Variants in MEF2C observed in about 807,000 individuals in gnomAD.
MEF2C encodes myocyte-specific enhancer factor 2C.
MEF2C carries 6 observed loss-of-function variants against 50.5 expected under a neutral mutation model. That is an observed-to-expected ratio of 0.12 (90% CI 0.07 to 0.23). MEF2C has a LOEUF of 0.23. MEF2C is among the 10% of genes least tolerant of loss of function. The pLI is 1.00. For synonymous variants in MEF2C, 183 were observed against 228.0 expected (o/e 0.80, Z 1.78); for missense variants, 276 against 605.0 (o/e 0.46, Z 5.70).
rs544789744 is a variant in MEF2C, at chr5:88,835,171, G to A, written c.-142-11241C>T. ...CCATGAAGAATCTGATAAATACAAT[G>A]CAAAATTTCTGCAAGTGTAAAATAT... On this transcript the variant is annotated intron_variant, in intron 1 of 10. Transcript: ENST00000504921. Among the ~76,000 whole-genome samples the A allele has an allele frequency of 9.0e-4, 137 of 152,182 alleles. 2 individuals are homozygous for A. The highest frequency in any genetic ancestry group is 3.0e-3 in the African/African-American group (125 of 41,524).
Position 88,796,133 on chromosome 5 carries a change from A to G in MEF2C, c.258+8465T>C, listed in dbSNP as rs1065861. On this transcript the variant is annotated intron_variant, in intron 3 of 10. Coordinates refer to ENST00000504921, the MANE Select transcript of MEF2C (RefSeq NM_002397.5). The stretch of plus-strand genomic sequence containing the variant: ...GTTGTGTCTCTGCCTGGTTTTGGCA[A>G]CAGGATGATGCTGGCCTCATAAAAT... Among the ~76,000 whole-genome samples, 117 of 152,290 alleles carry G rather than the reference A, an allele frequency of 7.7e-4. 2 individuals carry two copies. Among genetic ancestry groups the G allele is most frequent in the African/African-American group, 2.5e-3 (105 of 41,550 alleles).
intron 6 of MEF2C, chr5:88,748,646 C>A (rs1332302845): frequency 9.1e-6 from 4 of 438,386 alleles, no homozygotes; most frequent in Non-Finnish European, 1.2e-5. Flanking sequence ...AAAATCTTAA[C>A]CCCTCCTTTT....
intron 3 of MEF2C, chr5:88,780,839 C>G: frequency 1.0e-6 from 1 of 985,384 alleles, no homozygotes; most frequent in South Asian, 4.7e-5. Context: ...CAACCTACCC[C>G]CTTCTCTTTC....
chr5:88,744,039 G>A (rs931696524), intron 6 of MEF2C: 1 of 971,634 alleles, frequency 1.0e-6, no homozygotes. Flanking sequence ...CTCTTTTTTT[G>A]ATCTCAACTA....
In MEF2C at chr5:88,799,919, G is replaced by C. The variant is rs373332013; in HGVS notation, c.258+4679C>G. ...ACACACACACACACACACACAGAGA[G>C]AGAGACACACATGTTCTTCCTCTAA... On this transcript the variant is annotated intron_variant, in intron 3 of 10. Coordinates refer to ENST00000504921, the MANE Select transcript of MEF2C (RefSeq NM_002397.5). Among the ~76,000 whole-genome samples, 983 of 101,448 alleles carry C rather than the reference G, an allele frequency of 9.7e-3. 5 individuals are homozygous for C. Among genetic ancestry groups the C allele is most frequent in the South Asian group, 0.014 (46 of 3,214 alleles). 66.6% of individuals were successfully genotyped at this position (101,448 alleles called of 152,430 possible).
At chr5:88,876,721 T>G (rs1271558684) in intron 1 of MEF2C, among the ~76,000 whole-genome samples, 1 of 151,932 alleles carries the variant, frequency 6.6e-6, no homozygotes, top group Non-Finnish European at 1.5e-5. Context: ...ATCACAGGTG[T>G]GAAAAAAAGA....
intron 3 of MEF2C, among the ~76,000 whole-genome samples, chr5:88,798,371 C>T (rs946078281): frequency 6.6e-6 from 1 of 151,976 alleles, no homozygotes; most frequent in African/African-American, 2.4e-5. Flanking sequence ...TGTCTTCATG[C>T]TTTATTTCAT....
intron 1 of MEF2C, among the ~76,000 whole-genome samples, chr5:88,861,537 G>A (rs182071021): frequency 6.6e-6 from 1 of 152,094 alleles, no homozygotes; most frequent in Non-Finnish European, 1.5e-5. Context: ...GCTACTGCAC[G>A]AAGTGAGAGA....
At chr5:88,725,859 A>T (rs765879984) in intron 10 of MEF2C, among the ~76,000 whole-genome samples, 8 of 152,160 alleles carry the variant, frequency 5.3e-5, no homozygotes, top group Non-Finnish European at 1.2e-4. Context: ...TGACGTATGG[A>T]AATGCTTCCA....
intron 1 of MEF2C, among the ~76,000 whole-genome samples, chr5:88,864,725 G>C (rs73179460): frequency 0.016 from 2,402 of 151,806 alleles, 64 homozygotes; most frequent in African/African-American, 0.055. Flanking sequence ...CAAGTAGTTA[G>C]GACAACAGGC....
intron 6 of MEF2C, chr5:88,733,059 A>T (rs2152297919): frequency 2.0e-6 from 2 of 984,556 alleles, no homozygotes; most frequent in East Asian, 1.1e-4. Context: ...TGGAAAACAT[A>T]AAGACCAATA....
chr5:88,743,694 G>A (rs761922493), intron 6 of MEF2C: 109 of 985,234 alleles, frequency 1.1e-4, no homozygotes, highest in Non-Finnish European at 1.3e-4. Context: ...CCAGAGTCTG[G>A]AAACCAGATC....
intron 5 of MEF2C, chr5:88,749,508 C>G: frequency 1.0e-6 from 1 of 984,202 alleles, no homozygotes; most frequent in Non-Finnish European, 1.2e-6. Flanking sequence ...ATGTTTTATG[C>G]CATTAATTTT....
chr5:88,733,553 G>A (rs1045368808), intron 6 of MEF2C: 1 of 985,214 alleles, frequency 1.0e-6, no homozygotes, highest in African/African-American at 1.7e-5. Flanking sequence ...GAGGCCATGA[G>A]GAACTGGGAA....
chr5:88,891,758 C>T (rs1034470266), intron 1 of MEF2C, among the ~76,000 whole-genome samples: 2 of 152,110 alleles, frequency 1.3e-5, no homozygotes, highest in African/African-American at 4.8e-5. Flanking sequence ...TATAAGGCAA[C>T]AGAATACATC....
At chr5:88,826,115 A>G (rs1810757622) in intron 1 of MEF2C, among the ~76,000 whole-genome samples, 1 of 151,958 alleles carries the variant, frequency 6.6e-6, no homozygotes, top group Non-Finnish European at 1.5e-5. Flanking sequence ...TCATCACCCC[A>G]TATTTCACAA....
chr5:88,760,828 T>A (rs1777518450), intron 4 of MEF2C, among the ~76,000 whole-genome samples: 1 of 152,210 alleles, frequency 6.6e-6, no homozygotes, highest in African/African-American at 2.4e-5. Flanking sequence ...AATCTCAGCA[T>A]CCTTTAGGGT....
At chr5:88,737,141 G>A (rs930381530) in intron 6 of MEF2C, 1 of 985,392 alleles carries the variant, frequency 1.0e-6, no homozygotes, top group Non-Finnish European at 1.2e-6. Context: ...GGACAATGAG[G>A]TGAGAACTGA....
At chr5:88,857,603 G>A (rs1442032046) in intron 1 of MEF2C, among the ~76,000 whole-genome samples, 1 of 152,158 alleles carries the variant, frequency 6.6e-6, no homozygotes, top group Non-Finnish European at 1.5e-5. Flanking sequence ...GAGACCAAGT[G>A]GAGATAATTA....
Sources: gnomAD v4.1 joint callset for allele counts (sites outside exome capture counted in the v4.1 genomes callset) on GRCh38, gnomAD v4.1.1 for gene constraint, MANE v1.5 for transcripts, NCBI Gene and HGNC (gene_info 2026-07-23, HGNC 2026-07-21) for gene names.